Variants in OSBPL10 observed in about 807,000 individuals in gnomAD.
The protein encoded by OSBPL10 is oxysterol-binding protein-related protein 10.
Under a neutral mutation model 81.7 loss-of-function variants are expected in OSBPL10, and 49 were observed. The observed-to-expected ratio is 0.60, with a 90% CI of 0.48 to 0.76. The LOEUF (loss-of-function observed/expected upper bound fraction) is 0.76. OSBPL10 is among the 30% of genes least tolerant of loss of function. The pLI, the probability that OSBPL10 is intolerant of heterozygous loss-of-function variation, is 0.00. For synonymous variants in OSBPL10, 419 were observed against 383.6 expected (o/e 1.09, Z -1.08); for missense variants, 923 against 987.8 (o/e 0.93, Z 0.88).
chr3:31,831,401 C>T (rs1397198211), intron 3 of OSBPL10, among the ~76,000 whole-genome samples: 3 of 148,238 alleles, frequency 2.0e-5, no homozygotes, highest in Admixed American at 6.7e-5. Context: ...AGCGAAACTC[C>T]GTCTCAAAAA....
At chr3:31,841,496 G>A (rs1427448823) in intron 3 of OSBPL10, among the ~76,000 whole-genome samples, 2 of 152,188 alleles carry the variant, frequency 1.3e-5, no homozygotes, top group Non-Finnish European at 1.5e-5. Flanking sequence ...GTGTGTGGAT[G>A]GAGCCATTAG....
chr3:31,747,487 T>TAAAAAAAAAA (rs61150758), intron 5 of OSBPL10, among the ~76,000 whole-genome samples: 1 of 98,480 alleles, frequency 1.0e-5, no homozygotes, highest in African/African-American at 3.7e-5. Context: ...AATCTTCAAA[T>TAAAAAAAAAA]AAAAAAAAAA....
intron 1 of OSBPL10, among the ~76,000 whole-genome samples, chr3:31,968,224 G>C (rs1038532297): frequency 1.3e-5 from 2 of 151,292 alleles, no homozygotes; most frequent in Admixed American, 6.6e-5. Context: ...CAAATCTGTA[G>C]ACTTTATACA....
chr3:31,824,680 G>A (rs1275116073), intron 4 of OSBPL10, among the ~76,000 whole-genome samples: 2 of 152,104 alleles, frequency 1.3e-5, no homozygotes, highest in African/African-American at 4.8e-5. Flanking sequence ...TCTGGCCATT[G>A]TCCACCAAAG....
intron 3 of OSBPL10, among the ~76,000 whole-genome samples, chr3:31,871,087 C>A (rs1368965666): frequency 6.6e-6 from 1 of 152,136 alleles, no homozygotes; most frequent in East Asian, 1.9e-4. Context: ...AGAATAAAAG[C>A]AGGCTGCCCA....
intron 2 of OSBPL10, among the ~76,000 whole-genome samples, chr3:31,992,288 A>G (rs1018730985): frequency 2.6e-5 from 4 of 152,236 alleles, no homozygotes; most frequent in African/African-American, 9.6e-5. Flanking sequence ...AGGCAATTCA[A>G]TGCAGCTTTT....
At chr3:32,059,953 A>G (rs569345761) in intron 1 of OSBPL10, among the ~76,000 whole-genome samples, 2 of 152,174 alleles carry the variant, frequency 1.3e-5, no homozygotes, top group East Asian at 1.9e-4. Flanking sequence ...ATAGGGTTCG[A>G]GAAGCCAGGA....
At chr3:31,710,355 T>C (rs778422522) in intron 6 of OSBPL10, among the ~76,000 whole-genome samples, 11 of 152,200 alleles carry the variant, frequency 7.2e-5, no homozygotes, top group Admixed American at 6.5e-4. Context: ...CAGTGGTATG[T>C]TGACTTGAGG....
intron 1 of OSBPL10, among the ~76,000 whole-genome samples, chr3:32,074,266 TTACGGCACCTTTCTCCTTATGTCA>T (rs1406756946): frequency 6.6e-6 from 1 of 152,158 alleles, no homozygotes; most frequent in East Asian, 1.9e-4. Flanking sequence ...CCGCATCTAC[TTACGGCACCTTTCTCCTTATGTCA>T]ATTCCACGCC....
intron 2 of OSBPL10, among the ~76,000 whole-genome samples, chr3:32,005,415 T>C (rs1699194478): frequency 6.7e-6 from 1 of 149,334 alleles, no homozygotes; most frequent in South Asian, 2.1e-4. Flanking sequence ...GAGATTAACG[T>C]AGCATCTGTA....
intron 5 of OSBPL10, among the ~76,000 whole-genome samples, chr3:31,738,795 T>C (rs1697263095): frequency 6.6e-6 from 1 of 152,156 alleles, no homozygotes. Flanking sequence ...TCAGCAGCAC[T>C]GCAGAGACTC....
chr3:31,706,219 A>T (rs533790823), intron 6 of OSBPL10, among the ~76,000 whole-genome samples: 1 of 152,182 alleles, frequency 6.6e-6, no homozygotes, highest in Admixed American at 6.5e-5. Context: ...GTTTAGGGAC[A>T]TTCCCTGGTG....
intron 3 of OSBPL10, among the ~76,000 whole-genome samples, chr3:31,862,551 G>T (rs1159869171): frequency 6.6e-6 from 1 of 151,562 alleles, no homozygotes; most frequent in Non-Finnish European, 1.5e-5. Context: ...ATCTGATAAA[G>T]GTCTAACTAT....
intron 8 of OSBPL10, among the ~76,000 whole-genome samples, chr3:31,675,945 CAAAAAAAAAAA>C (rs773575072): frequency 1.7e-5 from 1 of 59,180 alleles, no homozygotes; most frequent in African/African-American, 5.5e-5. Flanking sequence ...GACTCCATCT[CAAAAAAAAAAA>C]AAAAAAAAAG....
At chr3:31,740,291 C>G (rs1480581079) in intron 5 of OSBPL10, among the ~76,000 whole-genome samples, 1 of 152,148 alleles carries the variant, frequency 6.6e-6, no homozygotes, top group Non-Finnish European at 1.5e-5. Flanking sequence ...ATCCACCCGC[C>G]TCGGCCTCCC....
At chr3:31,754,770 G>A (rs1360611712) in intron 4 of OSBPL10, among the ~76,000 whole-genome samples, 2 of 152,172 alleles carry the variant, frequency 1.3e-5, no homozygotes, top group African/African-American at 4.8e-5. Context: ...GGGCATGGCT[G>A]TTTTCCAGTG....
chr3:31,779,799 C>T (rs1044646621), intron 4 of OSBPL10, among the ~76,000 whole-genome samples: 8 of 152,120 alleles, frequency 5.3e-5, no homozygotes, highest in African/African-American at 1.9e-4. Context: ...ATATGATATA[C>T]CACAAAACAA....
intron 1 of OSBPL10, among the ~76,000 whole-genome samples, chr3:31,937,386 G>A (rs1203455581): frequency 6.6e-6 from 1 of 152,046 alleles, no homozygotes; most frequent in Non-Finnish European, 1.5e-5. Context: ...TACTCTTTAG[G>A]GGCTGAAATT....
In OSBPL10 at chr3:32,008,860, TA is replaced by T. The variant is rs574964051; in HGVS notation, n.298+37630del. Among the ~76,000 whole-genome samples the T allele has an allele frequency of 2.6e-3, 398 of 152,298 alleles. 2 individuals are homozygous for T. The highest frequency in any genetic ancestry group is 8.9e-3 in the African/African-American group (370 of 41,572). ...AAAGACATACTGTTAAGAGATTTTTTAAAAGTAAATTTCAGAGCAATAGTTA... is the reference window on the plus strand; with the variant it reads ...AAAGACATACTGTTAAGAGATTTTTTAAAGTAAATTTCAGAGCAATAGTTA... On this transcript the variant is annotated intron_variant and non_coding_transcript_variant, in intron 2 of 3. Transcript: ENST00000479173.
Sources: allele counts gnomAD v4.1 joint callset (sites outside exome capture counted in the v4.1 genomes callset), GRCh38; gene constraint gnomAD v4.1.1; transcripts MANE v1.5; gene names NCBI Gene and HGNC (gene_info 2026-07-23, HGNC 2026-07-21).